ULK4: variants seen among roughly 807,000 people sequenced by gnomAD.
The protein encoded by ULK4 is inactive serine/threonine-protein kinase ULK4.
In ULK4, 133 loss-of-function variants were observed where a neutral mutation model predicts 160.6. The ratio of observed to expected loss-of-function variants is 0.83; its 90% CI spans 0.72 to 0.96. ULK4 has a LOEUF of 0.96. Among genes scored for constraint, ULK4 ranks in the 40% least tolerant of loss-of-function variants. The pLI is 0.00. For synonymous variants in ULK4, 534 were observed against 539.8 expected (o/e 0.99, Z 0.15); for missense variants, 1,580 against 1,499.5 (o/e 1.05, Z -0.89).
At chr3:41,937,618 T>G (rs1046796719) in intron 3 of ULK4, among the ~76,000 whole-genome samples, 1 of 152,192 alleles carries the variant, frequency 6.6e-6, no homozygotes, top group Non-Finnish European at 1.5e-5. Context: ...TTAGTCACCT[T>G]TCTCCCTGTA....
chr3:41,251,690 A>C lies in ULK4; in HGVS notation c.3679-2116T>G, dbSNP rs1229653298. 3.9e-5 allele frequency among the ~76,000 whole-genome samples: 6 copies of C among 152,302 alleles called. No homozygotes were observed. In the East Asian group the frequency reaches 9.6e-4, roughly 24 times the overall value. ...GTGTCCCAGGCCATTCTGTGATGGC[A>C]GCAGTGGTAGTGGGGACAGAGGTGG... is the stretch of plus-strand genomic sequence containing the variant. On this transcript the variant is annotated intron_variant, in intron 35 of 36. Coordinates refer to ENST00000301831, the MANE Select transcript of ULK4 (RefSeq NM_017886.4).
intron 17 of ULK4, among the ~76,000 whole-genome samples, chr3:41,876,728 C>A (rs184651539): frequency 6.6e-6 from 1 of 152,230 alleles, no homozygotes; most frequent in East Asian, 1.9e-4. Flanking sequence ...ATTCCATAAA[C>A]ATAATATGAA....
chr3:41,392,927 G>A (rs1414311974), intron 35 of ULK4, among the ~76,000 whole-genome samples: 2 of 152,136 alleles, frequency 1.3e-5, no homozygotes, highest in East Asian at 1.9e-4. Flanking sequence ...AAAGTCACAG[G>A]AAACTTCTGC....
intron 17 of ULK4, 31 bp from the exon 18 acceptor site, chr3:41,836,002 A>C (rs776821830): frequency 4.3e-6 from 6 of 1,391,658 alleles, no homozygotes; most frequent in Non-Finnish European, 6.1e-6. Context: ...AAAGTAAATT[A>C]TTTCAAATGT....
chr3:41,878,299 C>T (rs1697384225), intron 17 of ULK4, among the ~76,000 whole-genome samples: 1 of 152,126 alleles, frequency 6.6e-6, no homozygotes, highest in African/African-American at 2.4e-5. Context: ...CTTGAAAGAG[C>T]TCCCACTGGA....
intron 22 of ULK4, among the ~76,000 whole-genome samples, chr3:41,737,651 G>T (rs968377227): frequency 1.3e-5 from 2 of 151,844 alleles, no homozygotes; most frequent in African/African-American, 2.4e-5. Context: ...TATAACTGTT[G>T]TTTTCCCCCA....
At chr3:41,494,054 A>G (rs2084896982) in intron 32 of ULK4, among the ~76,000 whole-genome samples, 1 of 130,490 alleles carries the variant, frequency 7.7e-6, no homozygotes, top group Non-Finnish European at 1.7e-5. Context: ...ATAGAAAAAG[A>G]GGGAATCCTC....
intron 7 of ULK4, among the ~76,000 whole-genome samples, chr3:41,917,915 A>G (rs935459066): frequency 5.3e-5 from 8 of 152,038 alleles, no homozygotes; most frequent in African/African-American, 1.9e-4. Context: ...TGAACCCGGG[A>G]GGCGGAGGTT....
intron 31 of ULK4, among the ~76,000 whole-genome samples, chr3:41,581,727 A>C (rs1294601161): frequency 2.0e-5 from 3 of 152,206 alleles, no homozygotes; most frequent in African/African-American, 7.2e-5. Flanking sequence ...TAGGTCAGAC[A>C]AACGCAACAG....
rs758876468 is a variant in ULK4, at chr3:41,921,610, G to A, written c.542-1792C>T. ...AGCCTGGACAACAGAGCGAGACTCC[G>A]TCTCTAAATAAATAAATAAATAAAT... is the stretch of plus-strand genomic sequence containing the variant. On this transcript the variant is annotated intron_variant, in intron 5 of 36. Coordinates refer to ENST00000301831, the MANE Select transcript of ULK4 (RefSeq NM_017886.4). Among the ~76,000 whole-genome samples, 10 of 150,928 alleles carry A rather than the reference G, an allele frequency of 6.6e-5. No individual in the cohort carries two copies. The East Asian group carries it at 1.2e-3, about 18-fold the overall frequency.
intron 32 of ULK4, among the ~76,000 whole-genome samples, chr3:41,496,445 A>G (rs1025805349): frequency 2.0e-5 from 3 of 152,050 alleles, no homozygotes; most frequent in Non-Finnish European, 4.4e-5. Flanking sequence ...TAACCACCCC[A>G]GCATTTTGTC....
intron 17 of ULK4, among the ~76,000 whole-genome samples, chr3:41,851,933 C>A (rs1045202339): frequency 1.3e-5 from 2 of 151,914 alleles, no homozygotes; most frequent in African/African-American, 2.4e-5. Context: ...ACAAAAAAAC[C>A]CTTCAAAAAA....
intron 35 of ULK4, among the ~76,000 whole-genome samples, chr3:41,374,227 T>A (rs1472483596): frequency 6.6e-6 from 1 of 152,122 alleles, no homozygotes; most frequent in Non-Finnish European, 1.5e-5. Context: ...AGCCGGTACC[T>A]TTCCTTCTTA....
At position 41,421,032 on chromosome 3, in the gene ULK4, T is replaced by G. The variant is rs190967605; in HGVS notation, c.3493-22768A>C. Among the ~76,000 whole-genome samples, 809 of 151,882 alleles carry G rather than the reference T, an allele frequency of 5.3e-3. 4 individuals are homozygous for G. The highest frequency in any genetic ancestry group is 0.014 in the Middle Eastern group (4 of 294). On this transcript the variant is annotated intron_variant, in intron 34 of 36. Coordinates refer to ENST00000301831, the MANE Select transcript of ULK4 (RefSeq NM_017886.4). ...GAGAGGCTGAGGCAGAAGAATTGCT[T>G]GAGCCTGGGAGGCGGAGGTTGCAAT...
chr3:41,953,406 G>A (rs549683886), intron 2 of ULK4, among the ~76,000 whole-genome samples: 95 of 150,422 alleles, frequency 6.3e-4, no homozygotes, highest in African/African-American at 2.2e-3. Context: ...CGGTTCAAGC[G>A]GTTCTCCTGC....
In ULK4 at chr3:41,301,469, T is replaced by C. The variant is rs562069627; in HGVS notation, c.3679-51895A>G. ...GAGCACTAACTTATTTAATGGTATA[T>C]AGCCAGCTGAAAAGATTTCACACCA... On this transcript the variant is annotated intron_variant, in intron 35 of 36. Transcript: ENST00000301831. 7.9e-5 allele frequency among the ~76,000 whole-genome samples: 12 copies of C among 152,276 alleles called. No homozygotes were observed. The South Asian group carries it at 2.1e-3, about 26-fold the overall frequency.
chr3:41,302,501 A>T (rs1043480324), intron 35 of ULK4, among the ~76,000 whole-genome samples: 3 of 152,222 alleles, frequency 2.0e-5, no homozygotes, highest in African/African-American at 7.2e-5. Flanking sequence ...GAGGAGTGAC[A>T]GATTATTCTC....
chr3:41,888,107 G>A lies in ULK4; in HGVS notation c.1578-4155C>T, dbSNP rs576440128. On this transcript the variant is annotated intron_variant, in intron 16 of 36. Transcript: ENST00000301831. ...TGAGACCCTATTTTTTTTAGAGTGA[G>A]TCTCTAAAAATAATAATAAAATAAA... 4.0e-5 allele frequency among the ~76,000 whole-genome samples: 6 copies of A among 151,700 alleles called. 1 individual carries two copies. The highest frequency in any genetic ancestry group is 7.3e-5 in the African/African-American group (3 of 41,360).
At chr3:41,383,798 T>A (rs1263596806) in intron 35 of ULK4, among the ~76,000 whole-genome samples, 5 of 152,202 alleles carry the variant, frequency 3.3e-5, no homozygotes, top group Non-Finnish European at 7.3e-5. Context: ...ACTGGGCAGA[T>A]TCTCAATGAA....
Sources: allele counts gnomAD v4.1 joint callset (sites outside exome capture counted in the v4.1 genomes callset), GRCh38; gene constraint gnomAD v4.1.1; transcripts MANE v1.5; gene names NCBI Gene and HGNC (gene_info 2026-07-23, HGNC 2026-07-21).